SLC4A8: variants seen among roughly 807,000 people sequenced by gnomAD.
SLC4A8 encodes solute carrier family 4 member 8.
In SLC4A8, 40 loss-of-function variants were observed where a neutral mutation model predicts 125.0. That is an observed-to-expected ratio of 0.32 (90% CI 0.25 to 0.42). The LOEUF is 0.42. Ranked by LOEUF, SLC4A8 falls within the 10% of genes least tolerant of loss-of-function variation. The pLI is 1.00. For missense variants in SLC4A8, 863 were observed against 1,355.1 expected, an observed-to-expected ratio of 0.64 and a Z score of 5.70; for synonymous variants, 456 against 476.0, an observed-to-expected ratio of 0.96 and a Z score of 0.55.
intron 18 of SLC4A8, 46 bp downstream of exon 18, chr12:51,488,906 C>T: frequency 1.3e-6 from 2 of 1,542,070 alleles, no homozygotes; most frequent in Non-Finnish European, 1.8e-6. Context: ...CAACCTGTTA[C>T]ATTTTCGTAA....
intron 4 of SLC4A8, 138 bp from the exon 5 acceptor site, chr12:51,453,401 C>T: frequency 1.2e-6 from 1 of 816,462 alleles, no homozygotes; most frequent in South Asian, 1.8e-5. Flanking sequence ...TATCAATGTA[C>T]CCTGAACATA....
chr12:51,464,023 G>A (rs935560745), intron 11 of SLC4A8, among the ~76,000 whole-genome samples: 5 of 152,046 alleles, frequency 3.3e-5, no homozygotes, highest in Admixed American at 2.6e-4. Context: ...CCTTAGTCTC[G>A]GTTCTTGTGT....
At chr12:51,503,232 A>T (rs11169863) in intron 22 of SLC4A8, among the ~76,000 whole-genome samples, 59,513 of 144,888 alleles carry the variant, frequency 0.41, 12,203 homozygotes, top group Middle Eastern at 0.46. Context: ...TTTTATTTTT[A>T]TTTTTTTTTT....
intron 2 of SLC4A8, among the ~76,000 whole-genome samples, chr12:51,448,614 A>C (rs539863601): frequency 6.6e-6 from 1 of 152,184 alleles, no homozygotes; most frequent in Admixed American, 6.5e-5. Context: ...GAGTAGTGCA[A>C]GTGAACCAGG....
rs1938242108 is a variant in SLC4A8, at chr12:51,508,046, A to G, written c.*608A>G. Reference sequence around the variant, plus strand: ...ATTGGCAGTGCCTGCCACCACAGCCAGGAAGATGCCTCTGACCTGGGTGCA... The same window carrying G: ...ATTGGCAGTGCCTGCCACCACAGCCGGGAAGATGCCTCTGACCTGGGTGCA... On this transcript the variant is annotated 3_prime_UTR_variant, in exon 25 of 25. Coordinates refer to ENST00000453097, the MANE Select transcript of SLC4A8 (RefSeq NM_001039960.3). 1 of 152,366 alleles carries G rather than the reference A, an allele frequency of 6.6e-6. No homozygotes were observed. Among genetic ancestry groups the G allele is most frequent in the Non-Finnish European group, 1.5e-5 (1 of 68,136 alleles). 9.4% of individuals were successfully genotyped at this position (152,366 alleles called of 1,614,324 possible).
intron 1 of SLC4A8, among the ~76,000 whole-genome samples, chr12:51,429,952 C>T (rs137897637): frequency 1.3e-5 from 2 of 151,906 alleles, no homozygotes; most frequent in African/African-American, 4.8e-5. Context: ...TAAGCACTTT[C>T]AGAACAAGCA....
intron 16 of SLC4A8, among the ~76,000 whole-genome samples, chr12:51,485,170 AG>A (rs1292658721): frequency 6.6e-6 from 1 of 152,202 alleles, no homozygotes; most frequent in Admixed American, 6.5e-5. Flanking sequence ...AAGCCATTTC[AG>A]GGTTTTGATA....
intron 22 of SLC4A8, among the ~76,000 whole-genome samples, chr12:51,499,865 G>T (rs1051248176): frequency 1.3e-5 from 2 of 152,152 alleles, no homozygotes; most frequent in Non-Finnish European, 2.9e-5. Flanking sequence ...AATGAGCTTG[G>T]TGTGTTTGAG....
chr12:51,484,585 T>C (rs939399879), intron 16 of SLC4A8, among the ~76,000 whole-genome samples: 15 of 152,272 alleles, frequency 9.9e-5, no homozygotes, highest in South Asian at 4.1e-4. Context: ...ACTGGAAACC[T>C]TGGGCTTCAA....
rs35694156 is a variant in SLC4A8, at chr12:51,491,740, G to GACACACACACACACAC, written c.2700+1812_2700+1827dup. Among the ~76,000 whole-genome samples the GACACACACACACACAC allele has an allele frequency of 3.4e-3, 495 of 146,010 alleles. 11 individuals are homozygous for GACACACACACACACAC. The East Asian group carries it at 0.034, about 10-fold the overall frequency. On this transcript the variant is annotated intron_variant, in intron 19 of 24. Coordinates refer to ENST00000453097, the MANE Select transcript of SLC4A8 (RefSeq NM_001039960.3). ...CTCCACCCCTGTCTGGGGATGGGCAGACACACACACACACACACACACACA... is the reference window on the plus strand; with the variant it reads ...CTCCACCCCTGTCTGGGGATGGGCAGACACACACACACACACACACACACACACACACACACACACA...
chr12:51,464,345 G>A (rs1950448100), intron 11 of SLC4A8, among the ~76,000 whole-genome samples: 1 of 152,164 alleles, frequency 6.6e-6, no homozygotes, highest in East Asian at 1.9e-4. Flanking sequence ...GATAAATGTT[G>A]AGTGATCATT....
At chr12:51,398,517 G>A (rs1014583304) in intron 1 of SLC4A8, among the ~76,000 whole-genome samples, 1 of 152,156 alleles carries the variant, frequency 6.6e-6, no homozygotes, top group African/African-American at 2.4e-5. Flanking sequence ...AGATTTTGCT[G>A]TGAGAGCTTT....
At chr12:51,401,534 G>T (rs561419700) in intron 1 of SLC4A8, among the ~76,000 whole-genome samples, 1 of 152,240 alleles carries the variant, frequency 6.6e-6, no homozygotes, top group South Asian at 2.1e-4. Context: ...CTGCATGTTG[G>T]TATGCTCTTC....
At chr12:51,487,156 G>A (rs917157464) in intron 17 of SLC4A8, among the ~76,000 whole-genome samples, 2 of 152,122 alleles carry the variant, frequency 1.3e-5, no homozygotes, top group African/African-American at 2.4e-5. Flanking sequence ...AAAGGGAAAC[G>A]GGAGAATGTC....
chr12:51,452,193 T>A lies in SLC4A8; in HGVS notation c.347T>A (p.Leu116Gln). Residue 116 changes from leucine (L) to glutamine (Q), a missense_variant, in exon 4 of 25, where the codon CTG becomes CAG. Transcript: ENST00000453097. ...EEDEEHVPHE[L>Q]FTELDEICMK... ...GATGAAGAGCATGTGCCTCATGAGC[T>A]GTTTACAGAGCTGGATGAGATCTGT... is the stretch of plus-strand genomic sequence containing the variant. The A allele has an allele frequency of 6.2e-7, 1 of 1,614,120 alleles. No homozygotes were observed. Among genetic ancestry groups the A allele is most frequent in the Non-Finnish European group, 8.5e-7 (1 of 1,179,954 alleles).
intron 1 of SLC4A8, among the ~76,000 whole-genome samples, chr12:51,432,410 CAAAAAA>C (rs33965654): frequency 2.2e-4 from 20 of 92,038 alleles, no homozygotes; most frequent in African/African-American, 9.4e-4. Context: ...GACTCCGCCT[CAAAAAA>C]AAAAAAAAAA....
chr12:51,485,541 A>G (rs1015495225), intron 16 of SLC4A8, among the ~76,000 whole-genome samples: 1 of 152,166 alleles, frequency 6.6e-6, no homozygotes, highest in African/African-American at 2.4e-5. Context: ...TCCCAAACAG[A>G]ACTCTTCAGA....
At chr12:51,412,905 T>C (rs1650363836) in intron 1 of SLC4A8, among the ~76,000 whole-genome samples, 1 of 152,276 alleles carries the variant, frequency 6.6e-6, no homozygotes, top group African/African-American at 2.4e-5. Flanking sequence ...TTTGATATAC[T>C]GATTTCCTTT....
chr12:51,400,769 TATATATATAC>T (rs1331315524), intron 1 of SLC4A8, among the ~76,000 whole-genome samples: 74 of 6,160 alleles, frequency 0.012, 6 homozygotes, highest in Admixed American at 0.02. Context: ...TATATATATA[TATATATATAC>T]ATACATACAC....
Sources: gnomAD v4.1 joint callset for allele counts (sites outside exome capture counted in the v4.1 genomes callset) on GRCh38, gnomAD v4.1.1 for gene constraint, MANE v1.5 for transcripts, NCBI Gene and HGNC (gene_info 2026-07-23, HGNC 2026-07-21) for gene names.